The following PCDHGA6 variants were observed in gnomAD, a reference collection of about 807,000 sequenced individuals.
The protein encoded by PCDHGA6 is protocadherin gamma-A6.
Under a neutral mutation model 60.6 loss-of-function variants are expected in PCDHGA6, and 41 were observed. That is an observed-to-expected ratio of 0.68 (90% CI 0.53 to 0.88). The LOEUF (loss-of-function observed/expected upper bound fraction) is 0.88. Among genes scored for constraint, PCDHGA6 ranks in the 40% least tolerant of loss-of-function variants. The pLI is 0.00. For synonymous variants in PCDHGA6, 594 were observed against 524.4 expected (o/e 1.13, Z -1.81); for missense variants, 1,312 against 1,203.0 (o/e 1.09, Z -1.34).
intron 1 of PCDHGA6, 41 bp from the exon 2 acceptor site, chr5:141,494,766 C>T (rs1017994327): frequency 6.2e-7 from 1 of 1,614,038 alleles, no homozygotes; most frequent in Non-Finnish European, 8.5e-7. Flanking sequence ...ATTCTAACTT[C>T]TCACGGGTAC....
chr5:141,469,834 T>C (rs1228732202), intron 1 of PCDHGA6, among the ~76,000 whole-genome samples: 4 of 152,068 alleles, frequency 2.6e-5, no homozygotes, highest in African/African-American at 9.7e-5. Context: ...ACATAAAACT[T>C]ATTCTTAAGA....
At chr5:141,400,234 G>T (rs749957043) in intron 1 of PCDHGA6, 6 of 1,613,868 alleles carry the variant, frequency 3.7e-6, no homozygotes, top group African/African-American at 1.3e-5. Context: ...CCTCCTGGCC[G>T]TGATTCTGGC....
At position 141,375,271 on chromosome 5, in the gene PCDHGA6, A is replaced by C. The variant is rs748119820; in HGVS notation, c.1188A>C (p.Lys396Asn). 1.5e-5 allele frequency: 24 copies of C among 1,613,884 alleles called. No homozygotes were observed. The East Asian group carries it at 4.5e-4, about 30-fold the overall frequency. Residue 396 changes from lysine (K) to asparagine (N), a missense_variant, in exon 1 of 4, where the codon AAA (lysine) becomes AAC (asparagine). Lys to Asn is a moderately conservative substitution (Grantham distance 94). Coordinates refer to ENST00000517434, the MANE Select transcript of PCDHGA6 (RefSeq NM_018919.3). ...GAAGTCTCCCATTTGAATTGGAAAAATCAGTTGGCAATTATTATCGATTAG... is the reference window on the plus strand; with the variant it reads ...GAAGTCTCCCATTTGAATTGGAAAACTCAGTTGGCAATTATTATCGATTAG... ...IPRSLPFELE[K>N]SVGNYYRLVT...
rs1173306822 is a variant in PCDHGA6, at chr5:141,431,115, T to G, written c.2424+54608T>G. The G allele has an allele frequency of 6.2e-7, 1 of 1,613,608 alleles. No homozygotes were observed. Among genetic ancestry groups the G allele is most frequent in the East Asian group, 2.2e-5 (1 of 44,840 alleles). ...GAGGATAAAGTGAAAATATATGGAG[T>G]AGAAGTAGAAGTAAGGGACATTAAC... On this transcript the variant is annotated intron_variant, in intron 1 of 3. Transcript: ENST00000517434. This position sits in a 1 kb window ranked among gnomAD's most constrained non-coding sequence, Gnocchi z 4.8.
chr5:141,438,721 G>A (rs886300746), intron 1 of PCDHGA6, among the ~76,000 whole-genome samples: 30 of 148,304 alleles, frequency 2.0e-4, no homozygotes, highest in Non-Finnish European at 7.4e-5. Flanking sequence ...AGTGCAAGTG[G>A]TGTGATCTCA....
In PCDHGA6 at chr5:141,423,241, G is replaced by T. The variant is rs1485226833; in HGVS notation, c.2424+46734G>T. The T allele has an allele frequency of 6.8e-6, 11 of 1,613,836 alleles. No individual in the cohort carries two copies. The Admixed American group carries it at 1.5e-4, about 22-fold the overall frequency. On this transcript the variant is annotated intron_variant, in intron 1 of 3. Transcript: ENST00000517434. ...GGCTGTGGCCGACAGCATCCCCGAAGTCCTGGCGGACCTCGGCAGCCTCGA... is the reference window on the plus strand; with the variant it reads ...GGCTGTGGCCGACAGCATCCCCGAATTCCTGGCGGACCTCGGCAGCCTCGA...
In PCDHGA6 at chr5:141,485,576, C is replaced by T. The variant is rs1347032247; in HGVS notation, c.2425-9231C>T. ...GAATGATCACGCCCCCCGTTTTCCG[C>T]GGCAGCAGCTGGACTTGGAAATTGG... On this transcript the variant is annotated intron_variant, in intron 1 of 3. Transcript: ENST00000517434. The surrounding 1 kb of genome is among the most constrained non-coding windows in gnomAD (Gnocchi z 5.7). 21 of 1,612,296 alleles carry T rather than the reference C, an allele frequency of 1.3e-5. 1 individual carries two copies. Among genetic ancestry groups the T allele is most frequent in the Non-Finnish European group, 1.8e-5 (21 of 1,178,636 alleles).
chr5:141,392,683 G>A, intron 1 of PCDHGA6: 1 of 1,058,682 alleles, frequency 9.4e-7, no homozygotes. Context: ...GGACTGCAGC[G>A]AAACCCGACC....
chr5:141,408,053 TC>T, intron 1 of PCDHGA6: 1 of 1,288,090 alleles, frequency 7.8e-7, no homozygotes, highest in South Asian at 1.6e-5. Context: ...ACACAGAGCC[TC>T]CCGGCTGCGC....
intron 1 of PCDHGA6, among the ~76,000 whole-genome samples, chr5:141,456,702 C>A (rs1185842343): frequency 6.6e-6 from 1 of 152,062 alleles, no homozygotes; most frequent in African/African-American, 2.4e-5. Flanking sequence ...TGGTGGCTCG[C>A]GCCTGTAATC....
At chr5:141,420,094 G>A in intron 1 of PCDHGA6, 7 of 1,614,058 alleles carry the variant, frequency 4.3e-6, no homozygotes, top group Non-Finnish European at 5.9e-6. Flanking sequence ...ACTACAGTGA[G>A]GGAACGTTGC....
chr5:141,410,687 T>A, intron 1 of PCDHGA6: 1 of 1,518,632 alleles, frequency 6.6e-7, no homozygotes, highest in Non-Finnish European at 8.8e-7. Context: ...TTAGGCATAC[T>A]ACTTTATTTT....
At chr5:141,402,682 T>A (rs1012328239) in intron 1 of PCDHGA6, among the ~76,000 whole-genome samples, 1 of 152,138 alleles carries the variant, frequency 6.6e-6, no homozygotes, top group East Asian at 1.9e-4. Context: ...CCATCTGATA[T>A]AATGTTACAC....
intron 1 of PCDHGA6, chr5:141,408,518 T>G: frequency 6.2e-7 from 1 of 1,614,012 alleles, no homozygotes; most frequent in Non-Finnish European, 8.5e-7. Flanking sequence ...TGAGTTGCAA[T>G]TGGAAGCTGT....
chr5:141,483,472 T>C (rs1457039859), intron 1 of PCDHGA6, among the ~76,000 whole-genome samples: 2 of 152,076 alleles, frequency 1.3e-5, no homozygotes, highest in Non-Finnish European at 2.9e-5. Flanking sequence ...TGACATGATA[T>C]AGGAAGTGAG....
At chr5:141,466,765 G>A (rs1199343616) in intron 1 of PCDHGA6, among the ~76,000 whole-genome samples, 1 of 151,996 alleles carries the variant, frequency 6.6e-6, no homozygotes, top group African/African-American at 2.4e-5. Context: ...TTTTCAAACT[G>A]TTATCTTATT....
intron 1 of PCDHGA6, chr5:141,388,395 C>A (rs1445370262): frequency 2.5e-6 from 4 of 1,613,810 alleles, no homozygotes; most frequent in African/African-American, 2.7e-5. Flanking sequence ...GCAGAATTAC[C>A]AACTCAGTCC....
At position 141,511,032 on chromosome 5, in the gene PCDHGA6, G is replaced by T. The variant is rs779589499; in HGVS notation, c.2658G>T (p.Gln886His). 6.2e-7 allele frequency: 1 copy of T among 1,614,228 alleles called. No individual in the cohort carries two copies. Among genetic ancestry groups the T allele is most frequent in the South Asian group, 1.1e-5 (1 of 91,090 alleles). ...GCTACGGACCCCAGTTCACCCTGCAGCACGTGCCCGACTACCGCCAGAATG... is the reference window on the plus strand; with the variant it reads ...GCTACGGACCCCAGTTCACCCTGCATCACGTGCCCGACTACCGCCAGAATG... ...SARYGPQFTLQHVPDYRQNVY... is the reference protein window; with the variant it reads ...SARYGPQFTLHHVPDYRQNVY... Residue 886 changes from glutamine (Q) to histidine (H), a missense_variant, in exon 4 of 4, where the codon CAG (glutamine) becomes CAT (histidine). Gln to His is a conservative substitution (Grantham distance 24, BLOSUM62 0). Coordinates refer to ENST00000517434, the MANE Select transcript of PCDHGA6 (RefSeq NM_018919.3).
At chr5:141,407,032 CAT>C (rs2094880022) in intron 1 of PCDHGA6, among the ~76,000 whole-genome samples, 1 of 152,174 alleles carries the variant, frequency 6.6e-6, no homozygotes, top group African/African-American at 2.4e-5. Flanking sequence ...CTATGCTAAA[CAT>C]GTGATCCATA....
Sources: gnomAD v4.1 joint callset for allele counts (sites outside exome capture counted in the v4.1 genomes callset) on GRCh38, gnomAD v4.1.1 for gene constraint, Gnocchi (gnomAD v3.1) non-coding constraint, MANE v1.5 for transcripts, NCBI Gene and HGNC (gene_info 2026-07-23, HGNC 2026-07-21) for gene names.